The following DPP10 variants were observed in gnomAD, a reference collection of about 807,000 sequenced individuals.
DPP10 encodes the protein dipeptidyl peptidase like 10.
In DPP10, 33 loss-of-function variants were observed where a neutral mutation model predicts 120.9. The observed-to-expected ratio is 0.27, with a 90% CI of 0.21 to 0.37. The LOEUF (loss-of-function observed/expected upper bound fraction) is 0.37. Among genes scored for constraint, DPP10 ranks in the 10% least tolerant of loss-of-function variants. The pLI, the probability that DPP10 is intolerant of heterozygous loss-of-function variation, is 1.00. For missense variants in DPP10, 816 were observed against 942.8 expected (o/e 0.87, Z 1.76); for synonymous variants, 337 against 326.1 (o/e 1.03, Z -0.36).
At chr2:114,692,050 A>AT (rs1425179336) in intron 1 of DPP10, among the ~76,000 whole-genome samples, 4 of 151,736 alleles carry the variant, frequency 2.6e-5, no homozygotes, top group Admixed American at 2.6e-4. Context: ...GGATTCGTTT[A>AT]TTTTTTGAAG....
chr2:115,624,449 A>G (rs968533332), intron 5 of DPP10, among the ~76,000 whole-genome samples: 1 of 152,202 alleles, frequency 6.6e-6, no homozygotes, highest in Admixed American at 6.5e-5. Context: ...GTTTGGCAGC[A>G]TGAGATAAAT....
At chr2:115,332,942 C>G (rs1196671073) in intron 2 of DPP10, among the ~76,000 whole-genome samples, 1 of 152,108 alleles carries the variant, frequency 6.6e-6, no homozygotes, top group East Asian at 1.9e-4. Flanking sequence ...ATTAGGTCCA[C>G]TTGGTGCAGT....
At chr2:114,622,712 A>G (rs1031008996) in intron 1 of DPP10, among the ~76,000 whole-genome samples, 1 of 152,130 alleles carries the variant, frequency 6.6e-6, no homozygotes, top group Non-Finnish European at 1.5e-5. Flanking sequence ...CTTTCTGTTA[A>G]GGATCTCAAC....
chr2:115,495,084 C>T (rs984832518), intron 3 of DPP10, among the ~76,000 whole-genome samples: 6 of 151,922 alleles, frequency 3.9e-5, no homozygotes, highest in African/African-American at 1.4e-4. Flanking sequence ...GAGTTTATTA[C>T]CTATAATAGT....
chr2:115,791,077 A>G lies in DPP10; in HGVS notation c.1532-4A>G. ...CTATTTACACTACCCTTTTTGGTTT[A>G]CAGAATATTTTATATTGGAAAGCAA... On this transcript the variant is annotated splice_region_variant and splice_polypyrimidine_tract_variant and intron_variant, in intron 17 of 25. Coordinates refer to ENST00000410059, the MANE Select transcript of DPP10 (RefSeq NM_020868.6). 1.2e-6 allele frequency: 2 copies of G among 1,605,310 alleles called. No homozygotes were observed. The highest frequency in any genetic ancestry group is 1.7e-6 in the Non-Finnish European group (2 of 1,176,226).
At chr2:115,336,670 G>A (rs1416774527) in intron 2 of DPP10, among the ~76,000 whole-genome samples, 1 of 150,996 alleles carries the variant, frequency 6.6e-6, no homozygotes, top group East Asian at 1.9e-4. Context: ...CAAGTAACTT[G>A]CTAGTAAGGA....
At chr2:115,327,306 AT>A (rs1055829507) in intron 2 of DPP10, among the ~76,000 whole-genome samples, 1 of 152,050 alleles carries the variant, frequency 6.6e-6, no homozygotes, top group Non-Finnish European at 1.5e-5. Context: ...CTAATAGCAC[AT>A]TCCTCAGAAC....
intron 1 of DPP10, among the ~76,000 whole-genome samples, chr2:114,543,897 T>G (rs75691625): frequency 3.7e-5 from 5 of 133,778 alleles, no homozygotes; most frequent in Non-Finnish European, 8.1e-5. Flanking sequence ...TGGTGGTGGT[T>G]GTTTTTGTTT....
intron 7 of DPP10, among the ~76,000 whole-genome samples, chr2:115,715,704 T>A (rs1187787753): frequency 6.6e-6 from 1 of 152,232 alleles, no homozygotes; most frequent in Non-Finnish European, 1.5e-5. Flanking sequence ...TCTCCGTGCA[T>A]ACCCGCACAA....
intron 4 of DPP10, among the ~76,000 whole-genome samples, chr2:115,517,223 C>T (rs925211539): frequency 2.0e-5 from 3 of 152,078 alleles, no homozygotes; most frequent in Non-Finnish European, 2.9e-5. Context: ...TGCTTAGGAG[C>T]TATTAATGGA....
chr2:115,568,702 T>C (rs1256455872), intron 5 of DPP10, among the ~76,000 whole-genome samples: 1 of 152,074 alleles, frequency 6.6e-6, no homozygotes, highest in Non-Finnish European at 1.5e-5. Flanking sequence ...CTCATTCCCA[T>C]GGAGTTAATC....
chr2:115,756,563 AGAAT>A (rs1321803961), intron 11 of DPP10, among the ~76,000 whole-genome samples: 3 of 152,170 alleles, frequency 2.0e-5, no homozygotes, highest in Non-Finnish European at 4.4e-5. Flanking sequence ...ATAAAAATAA[AGAAT>A]GAATTAAAGA....
chr2:114,680,947 T>A (rs531947390), intron 1 of DPP10, among the ~76,000 whole-genome samples: 2 of 152,134 alleles, frequency 1.3e-5, no homozygotes, highest in East Asian at 3.9e-4. Context: ...CTATTCCATG[T>A]TTTCTCATTT....
chr2:115,742,243 A>G (rs1283946034), intron 9 of DPP10, among the ~76,000 whole-genome samples: 2 of 152,210 alleles, frequency 1.3e-5, no homozygotes, highest in Non-Finnish European at 2.9e-5. Context: ...ATCCCTCTCT[A>G]TAAAACTCCC....
intron 1 of DPP10, among the ~76,000 whole-genome samples, chr2:114,626,041 C>A (rs1180701982): frequency 2.0e-5 from 3 of 150,942 alleles, no homozygotes; most frequent in African/African-American, 2.4e-5. Context: ...ATACTGATGA[C>A]TACAATTCAA....
At chr2:114,820,227 A>G (rs894121202) in intron 1 of DPP10, among the ~76,000 whole-genome samples, 1 of 152,194 alleles carries the variant, frequency 6.6e-6, no homozygotes, top group Non-Finnish European at 1.5e-5. Context: ...TCATGAGATA[A>G]TATTATTATC....
chr2:115,680,542 G>T (rs2090579274), intron 5 of DPP10, among the ~76,000 whole-genome samples: 1 of 151,792 alleles, frequency 6.6e-6, no homozygotes, highest in Non-Finnish European at 1.5e-5. Context: ...AAACAAAAGT[G>T]GATGTATACC....
At chr2:114,620,782 G>A (rs899869085) in intron 1 of DPP10, among the ~76,000 whole-genome samples, 1 of 151,936 alleles carries the variant, frequency 6.6e-6, no homozygotes, top group African/African-American at 2.4e-5. Context: ...ACTTATAATG[G>A]ACTTTTCACT....
chr2:114,639,229 C>T (rs2105418171), intron 1 of DPP10, among the ~76,000 whole-genome samples: 1 of 152,002 alleles, frequency 6.6e-6, no homozygotes, highest in East Asian at 1.9e-4. Flanking sequence ...TACATGGCGG[C>T]AGGCAAGAGA....
Sources: gnomAD v4.1 joint callset for allele counts (sites outside exome capture counted in the v4.1 genomes callset) on GRCh38, gnomAD v4.1.1 for gene constraint, MANE v1.5 for transcripts, NCBI Gene and HGNC (gene_info 2026-07-23, HGNC 2026-07-21) for gene names.